Variants in MCU observed in about 807,000 individuals in gnomAD.
The protein encoded by MCU is mitochondrial calcium uniporter.
A neutral mutation model predicts 45.2 loss-of-function variants in MCU; 12 were observed. That is an observed-to-expected ratio of 0.27 (90% CI 0.17 to 0.43). The LOEUF is 0.43. Among genes scored for constraint, MCU ranks in the 20% least tolerant of loss-of-function variants. The pLI, the probability that MCU is intolerant of heterozygous loss-of-function variation, is 1.00. For synonymous variants in MCU, 160 were observed against 165.1 expected (o/e 0.97, Z 0.24); for missense variants, 324 against 436.7 (o/e 0.74, Z 2.30).
At chr10:72,787,612 A>G (rs1844094076) in intron 1 of MCU, among the ~76,000 whole-genome samples, 1 of 152,166 alleles carries the variant, frequency 6.6e-6, no homozygotes, top group Non-Finnish European at 1.5e-5. Flanking sequence ...AAGCGTTGTT[A>G]TAAACCAATA....
intron 2 of MCU, among the ~76,000 whole-genome samples, chr10:72,843,337 C>G (rs576032034): frequency 2.6e-5 from 4 of 152,202 alleles, no homozygotes; most frequent in Non-Finnish European, 5.9e-5. Flanking sequence ...TCCTGGCAGG[C>G]AGGTACTAAT....
At chr10:72,860,645 T>A (rs547197583) in intron 4 of MCU, 118 bp downstream of exon 4, 1 of 731,972 alleles carries the variant, frequency 1.4e-6, no homozygotes, top group African/African-American at 1.8e-5. Flanking sequence ...CACTGAAAGT[T>A]TTATATACAG....
At chr10:72,742,036 A>AC in intron 1 of MCU, among the ~76,000 whole-genome samples, 1 of 151,776 alleles carries the variant, frequency 6.6e-6, no homozygotes, top group East Asian at 1.9e-4. Flanking sequence ...AAAAAAAAAA[A>AC]AAAAAAAAAC....
intron 1 of MCU, among the ~76,000 whole-genome samples, chr10:72,771,224 A>G (rs1192948154): frequency 2.6e-5 from 4 of 151,776 alleles, no homozygotes; most frequent in African/African-American, 4.8e-5. Context: ...GACAGGCCCC[A>G]ATGTGTGATG....
chr10:72,885,057 C>T (rs1164974671), intron 7 of MCU, among the ~76,000 whole-genome samples: 2 of 152,036 alleles, frequency 1.3e-5, no homozygotes, highest in South Asian at 2.1e-4. Flanking sequence ...TCTGCCTTTC[C>T]TGTCTCTTCT....
rs1443731451 is a variant in MCU at position 72,826,188 on chromosome 10, G to A, written c.151-8171G>A. Among the ~76,000 whole-genome samples the A allele has an allele frequency of 3.9e-5, 6 of 152,186 alleles. 1 individual carries two copies. The highest frequency in any genetic ancestry group is 4.1e-4 in the South Asian group (2 of 4,828). On this transcript the variant is annotated intron_variant, in intron 1 of 7. Transcript: ENST00000373053. ...AGAGGTGGGGTTAGAGGTTAGAATC[G>A]ACATTCTAACAAGCTCCCAGGTGAT...
intron 1 of MCU, among the ~76,000 whole-genome samples, chr10:72,826,303 G>GA (rs1351493161): frequency 6.6e-6 from 1 of 151,796 alleles, no homozygotes; most frequent in Non-Finnish European, 1.5e-5. Flanking sequence ...CATCAAAGTA[G>GA]AAAAAAACAC....
intron 1 of MCU, among the ~76,000 whole-genome samples, chr10:72,699,004 A>C (rs540239523): frequency 2.0e-5 from 3 of 152,146 alleles, no homozygotes; most frequent in Non-Finnish European, 4.4e-5. Context: ...AAGTCTCACT[A>C]TGTTGCCCAT....
At chr10:72,696,757 T>C (rs1842692834) in intron 1 of MCU, among the ~76,000 whole-genome samples, 1 of 152,160 alleles carries the variant, frequency 6.6e-6, no homozygotes, top group African/African-American at 2.4e-5. Context: ...CCCCTTTTTC[T>C]GCTTGCTAGG....
At chr10:72,810,652 T>G (rs1367676939) in intron 1 of MCU, among the ~76,000 whole-genome samples, 1 of 150,530 alleles carries the variant, frequency 6.6e-6, no homozygotes, top group Non-Finnish European at 1.5e-5. Context: ...TTGTTGTTGT[T>G]GTTGTTGTTG....
chr10:72,860,512 C>T lies in MCU; in HGVS notation c.481C>T (p.Arg161Ter). ...CATTAATGACTTAACATACCACGTA[C>T]GACCACCAAAAAGAGGTAAAATAGT... ...LVINDLTYHV[R>*]PPKRDLLSHE... The change falls in exon 4 of 8, where the codon CGA becomes TGA. Residue 161 changes from arginine to a stop codon, truncating the protein, a stop_gained. Coordinates refer to ENST00000373053, the MANE Select transcript of MCU (RefSeq NM_138357.3). LOFTEE classifies it high-confidence loss of function. 3.1e-6 allele frequency: 5 copies of T among 1,613,210 alleles called. No homozygotes were observed. The highest frequency in any genetic ancestry group is 3.4e-6 in the Non-Finnish European group (4 of 1,179,416).
At chr10:72,867,415 A>AT (rs372339572) in intron 4 of MCU, among the ~76,000 whole-genome samples, 2 of 152,310 alleles carry the variant, frequency 1.3e-5, no homozygotes, top group African/African-American at 4.8e-5. Flanking sequence ...GAATGAAAGA[A>AT]TTTAATCTTT....
At chr10:72,839,797 CA>C (rs758036618) in intron 2 of MCU, among the ~76,000 whole-genome samples, 1,877 of 96,330 alleles carry the variant, frequency 0.019, 12 homozygotes, top group Non-Finnish European at 0.028. Flanking sequence ...ACTAAGAATA[CA>C]AAAAAAAAAA....
intron 1 of MCU, among the ~76,000 whole-genome samples, chr10:72,714,570 G>A (rs1337351503): frequency 1.3e-5 from 2 of 151,586 alleles, no homozygotes; most frequent in Admixed American, 1.3e-4. Context: ...TTGAGACAGA[G>A]TTTCCCTCCT....
intron 1 of MCU, among the ~76,000 whole-genome samples, chr10:72,811,111 G>C (rs1461768976): frequency 6.6e-6 from 1 of 152,192 alleles, no homozygotes; most frequent in Non-Finnish European, 1.5e-5. Context: ...GTCACCCTTT[G>C]AACCAAAATA....
At chr10:72,705,527 CA>C (rs938122032) in intron 1 of MCU, among the ~76,000 whole-genome samples, 68 of 150,610 alleles carry the variant, frequency 4.5e-4, no homozygotes, top group African/African-American at 1.6e-3. Flanking sequence ...ACTAAAAATA[CA>C]AAAAAAAGAC....
At position 72,714,365 on chromosome 10, in the gene MCU, T is replaced by TTTTTTTTTTA. The variant is rs1842933374; in HGVS notation, c.150+22067_150+22068insTTTTTTATTT. ...CTGGTCTTTTTTTTTTTTTTTTTTT[T>TTTTTTTTTTA]TTTAAAGAGATGGGGTCTTGCTTGT... On this transcript the variant is annotated intron_variant, in intron 1 of 7. Transcript: ENST00000373053. 2.9e-5 allele frequency among the ~76,000 whole-genome samples: 4 copies of TTTTTTTTTTA among 138,508 alleles called. No individual in the cohort carries two copies. The South Asian group carries it at 9.3e-4, about 32-fold the overall frequency. 90.9% of individuals were successfully genotyped at this position (138,508 alleles called of 152,430 possible).
chr10:72,760,909 A>G (rs1375171598), intron 1 of MCU, among the ~76,000 whole-genome samples: 1 of 151,860 alleles, frequency 6.6e-6, no homozygotes, highest in Non-Finnish European at 1.5e-5. Flanking sequence ...AGATCTTACA[A>G]TTAGTAAATG....
At chr10:72,791,483 A>G (rs1392744788) in intron 1 of MCU, among the ~76,000 whole-genome samples, 3 of 152,128 alleles carry the variant, frequency 2.0e-5, no homozygotes, top group African/African-American at 7.2e-5. Context: ...TTCTCTTTAG[A>G]TAATGTTTCT....
Sources: allele counts gnomAD v4.1 joint callset (sites outside exome capture counted in the v4.1 genomes callset), GRCh38; gene constraint gnomAD v4.1.1; transcripts MANE v1.5; gene names NCBI Gene and HGNC (gene_info 2026-07-23, HGNC 2026-07-21).